Variants in SIN3A observed in about 807,000 individuals in gnomAD.
SIN3A encodes paired amphipathic helix protein Sin3a.
In SIN3A, 14 loss-of-function variants were observed where a neutral mutation model predicts 146.1. The ratio of observed to expected loss-of-function variants is 0.10; its 90% CI spans 0.06 to 0.15. The LOEUF (loss-of-function observed/expected upper bound fraction) is 0.15, where lower values mean the gene tolerates loss of function less well. SIN3A is among the 10% of genes least tolerant of loss of function. SIN3A has a pLI of 1.00. For synonymous variants in SIN3A, 572 were observed against 572.0 expected, an observed-to-expected ratio of 1.00 and a Z score of 0.00; for missense variants, 1,028 against 1,576.0, an observed-to-expected ratio of 0.65 and a Z score of 5.89.
intron 19 of SIN3A, among the ~76,000 whole-genome samples, chr15:75,377,065 C>T (rs2072876787): frequency 6.6e-6 from 1 of 152,064 alleles, no homozygotes; most frequent in African/African-American, 2.4e-5. Flanking sequence ...GCACTGGCAC[C>T]ATTAAAGTAA....
chr15:75,454,862 A>G (rs4886705), upstream of SIN3A: 85,320 of 151,974 alleles, frequency 0.56, 24,678 homozygotes, highest in African/African-American at 0.71. Context: ...GGGGCCGCGG[A>G]CGAAGCCGCC....
chr15:75,408,478 T>C (rs2073563083), intron 8 of SIN3A, among the ~76,000 whole-genome samples: 1 of 152,230 alleles, frequency 6.6e-6, no homozygotes, highest in Non-Finnish European at 1.5e-5. Context: ...TGTCATTATT[T>C]AATTCTGCAG....
chr15:75,398,013 G>A (rs749892067), intron 12 of SIN3A, among the ~76,000 whole-genome samples: 2 of 152,170 alleles, frequency 1.3e-5, no homozygotes, highest in Non-Finnish European at 2.9e-5. Flanking sequence ...CAGTGGCCAG[G>A]CAGCATGTGG....
chr15:75,375,556 C>T (rs979721409), intron 20 of SIN3A, 109 bp downstream of exon 20: 36 of 829,986 alleles, frequency 4.3e-5, no homozygotes, highest in Non-Finnish European at 6.8e-5. Flanking sequence ...GTCTCAGCTC[C>T]AAGAACAGGT....
intron 12 of SIN3A, among the ~76,000 whole-genome samples, chr15:75,397,032 C>T (rs2073317882): frequency 3.3e-5 from 5 of 152,130 alleles, no homozygotes; most frequent in Admixed American, 3.3e-4. Context: ...TAGCCTTGTT[C>T]CACATCCAGT....
chr15:75,455,349 C>T (rs1369933692), upstream of SIN3A, among the ~76,000 whole-genome samples: 1 of 152,134 alleles, frequency 6.6e-6, no homozygotes, highest in Non-Finnish European at 1.5e-5. Context: ...AGCTCCGGCC[C>T]GGTTCTAGTC....
chr15:75,372,883 G>A (rs2072780233), intron 20 of SIN3A, among the ~76,000 whole-genome samples: 1 of 150,900 alleles, frequency 6.6e-6, no homozygotes, highest in Non-Finnish European at 1.5e-5. Context: ...TTACCAATGT[G>A]CATTTTAAAC....
chr15:75,407,647 C>T (rs1054245091), intron 8 of SIN3A, among the ~76,000 whole-genome samples: 1 of 151,950 alleles, frequency 6.6e-6, no homozygotes, highest in Non-Finnish European at 1.5e-5. Context: ...AATCCCAGCA[C>T]TTTGGGAGGC....
Position 75,380,943 on chromosome 15 carries a change from G to A in SIN3A, c.3289-220C>T, listed in dbSNP as rs529818690. ...ACTGCTAAGTTTCTGAGGTGCTAAG[G>A]TTATGAGAAGTCATAAACAGGTAGA... On this transcript the variant is annotated intron_variant, in intron 18 of 20. Coordinates refer to ENST00000394947, the MANE Select transcript of SIN3A (RefSeq NM_001145358.2). 9 of 457,646 alleles carry A rather than the reference G, an allele frequency of 2.0e-5. No homozygotes were observed. The East Asian group carries it at 2.9e-4, about 15-fold the overall frequency. 28.3% of individuals were successfully genotyped at this position (457,646 alleles called of 1,614,324 possible). A position where few individuals can be genotyped will look rare whatever the true frequency, so the allele number is the denominator to read the frequency against.
intron 10 of SIN3A, among the ~76,000 whole-genome samples, chr15:75,401,488 C>T (rs888662137): frequency 2.0e-5 from 3 of 151,862 alleles, no homozygotes; most frequent in Admixed American, 2.0e-4. Flanking sequence ...GAGCCAAGAT[C>T]ATGCCATCAC....
At chr15:75,403,345 G>A (rs779502668) in intron 9 of SIN3A, among the ~76,000 whole-genome samples, 18 of 151,488 alleles carry the variant, frequency 1.2e-4, no homozygotes, top group African/African-American at 1.7e-4. Context: ...CAGGAGAATC[G>A]CTTGAACCCA....
chr15:75,443,765 C>G (rs1163970156), intron 1 of SIN3A: 1 of 152,114 alleles, frequency 6.6e-6, no homozygotes, highest in Admixed American at 6.6e-5. Context: ...AATAAGAAAA[C>G]TGAAGGGCTG....
intron 2 of SIN3A, among the ~76,000 whole-genome samples, chr15:75,426,470 T>A (rs1005423267): frequency 1.3e-5 from 2 of 152,146 alleles, no homozygotes; most frequent in African/African-American, 4.8e-5. Flanking sequence ...ATTACGTCAG[T>A]TTATATTCCC....
chr15:75,409,743 A>G, intron 8 of SIN3A, 93 bp downstream of exon 8: 1 of 1,395,666 alleles, frequency 7.2e-7, no homozygotes, highest in Non-Finnish European at 9.8e-7. Context: ...ACAAAAAAAA[A>G]CAACAACAAC....
intron 1 of SIN3A, among the ~76,000 whole-genome samples, chr15:75,431,715 A>G (rs1467465166): frequency 6.6e-6 from 1 of 151,920 alleles, no homozygotes; most frequent in Admixed American, 6.6e-5. Context: ...ATCCTCTGGG[A>G]GCACACAAGC....
At chr15:75,449,507 A>C (rs981796399) in intron 1 of SIN3A, among the ~76,000 whole-genome samples, 2 of 152,238 alleles carry the variant, frequency 1.3e-5, no homozygotes, top group Non-Finnish European at 2.9e-5. Flanking sequence ...TGAAAGCAAA[A>C]ACCTCATCTA....
Position 75,384,437 on chromosome 15 carries a change from G to A in SIN3A, c.3022C>T (p.Leu1008=). 6.2e-7 allele frequency: 1 copy of A among 1,602,818 alleles called. No homozygotes were observed. The highest frequency in any genetic ancestry group is 1.4e-5 in the African/African-American group (1 of 74,066). Residue 1008 remains leucine, a splice_region_variant and synonymous_variant, in exon 17 of 21, where the codon CTG becomes TTG. Transcript: ENST00000394947. ...ATCTCATCACTCACGATATGCTGCA[G>A]CTGGAAGCAAACAAAGGCAAGCTTT... is the stretch of plus-strand genomic sequence containing the variant. ...DKLIQSIVRQ[L]QHIVSDEICV...
At position 75,394,874 on chromosome 15, in the gene SIN3A, G is replaced by C; in HGVS notation, c.2094-11C>G. ...TCTTTCATCTTCAACCTAGTGAAGC[G>C]GGAAGGGATGGAAACAACACATGGG... On this transcript the variant is annotated splice_polypyrimidine_tract_variant and intron_variant, in intron 13 of 20. Coordinates refer to ENST00000394947, the MANE Select transcript of SIN3A (RefSeq NM_001145358.2). 1.2e-6 allele frequency: 2 copies of C among 1,609,438 alleles called. No individual in the cohort carries two copies. The highest frequency in any genetic ancestry group is 2.2e-5 in the South Asian group (2 of 90,392).
rs776574214 is a variant in SIN3A, at chr15:75,392,232, C to T, written c.2851+10G>A. On this transcript the variant is annotated intron_variant, in intron 15 of 20. Transcript: ENST00000394947. Reference sequence around the variant, plus strand: ...CACATCCTCTGTAAATCAGAGGTCTCGGCACTCACTAGGTTCTTTGAGACG... The same window carrying T: ...CACATCCTCTGTAAATCAGAGGTCTTGGCACTCACTAGGTTCTTTGAGACG... The T allele has an allele frequency of 1.8e-5, 29 of 1,607,678 alleles. No homozygotes were observed. The highest frequency in any genetic ancestry group is 4.5e-5 in the East Asian group (2 of 44,814).
Sources: gnomAD v4.1 joint callset for allele counts (sites outside exome capture counted in the v4.1 genomes callset) on GRCh38, gnomAD v4.1.1 for gene constraint, MANE v1.5 for transcripts, NCBI Gene and HGNC (gene_info 2026-07-23, HGNC 2026-07-21) for gene names.